Variants in RALYL observed in about 807,000 individuals in gnomAD.
RALYL encodes the protein RALY RNA binding protein like, also known as RNA-binding Raly-like protein.
In RALYL, 29 loss-of-function variants were observed where a neutral mutation model predicts 35.1. The observed-to-expected ratio is 0.83, with a 90% CI of 0.61 to 1.13. The LOEUF (loss-of-function observed/expected upper bound fraction) is 1.13. RALYL is among the 50% of genes most tolerant of loss of function. RALYL has a pLI of 0.00. For synonymous variants in RALYL, 120 were observed against 127.6 expected, an observed-to-expected ratio of 0.94 and a Z score of 0.40; for missense variants, 359 against 360.4, an observed-to-expected ratio of 1.00 and a Z score of 0.03.
intron 2 of RALYL, among the ~76,000 whole-genome samples, chr8:84,757,802 T>C (rs904695719): frequency 2.0e-5 from 3 of 152,172 alleles, no homozygotes; most frequent in African/African-American, 7.2e-5. Context: ...GTTATTTTCT[T>C]TCTTTAATGA....
chr8:84,462,161 G>A (rs1034069089), intron 1 of RALYL, among the ~76,000 whole-genome samples: 3 of 151,176 alleles, frequency 2.0e-5, no homozygotes, highest in African/African-American at 7.3e-5. Context: ...TCTAAGGTGT[G>A]TAGTGATATC....
intron 2 of RALYL, among the ~76,000 whole-genome samples, chr8:84,650,043 A>G (rs1828391287): frequency 6.6e-6 from 1 of 152,086 alleles, no homozygotes; most frequent in Admixed American, 6.6e-5. Flanking sequence ...CTTTGAAGCA[A>G]TTGTGAATGG....
intron 2 of RALYL, among the ~76,000 whole-genome samples, chr8:84,719,710 T>C (rs1843547454): frequency 6.6e-6 from 1 of 152,170 alleles, no homozygotes; most frequent in African/African-American, 2.4e-5. Context: ...TACAGTGAGA[T>C]GTTTTGATAC....
chr8:84,704,866 T>C (rs868684114), intron 2 of RALYL, among the ~76,000 whole-genome samples: 1 of 152,306 alleles, frequency 6.6e-6, no homozygotes, highest in Middle Eastern at 3.4e-3. Context: ...ATGGAGATGA[T>C]ATTTCCCGCT....
intron 2 of RALYL, among the ~76,000 whole-genome samples, chr8:84,554,154 A>C (rs2060940407): frequency 6.6e-6 from 1 of 152,192 alleles, no homozygotes; most frequent in Non-Finnish European, 1.5e-5. Context: ...TTCCTAAAAA[A>C]ATTAAGTAAT....
intron 1 of RALYL, among the ~76,000 whole-genome samples, chr8:84,514,090 T>TAAAA (rs57881021): frequency 0.017 from 678 of 39,722 alleles, 3 homozygotes; most frequent in East Asian, 0.034. Context: ...AGATTTCATC[T>TAAAA]AAAAAAAAAA....
chr8:84,310,343 T>G (rs1246685175), intron 1 of RALYL, among the ~76,000 whole-genome samples: 2 of 151,428 alleles, frequency 1.3e-5, no homozygotes, highest in Non-Finnish European at 2.9e-5. Context: ...CTGGCATATG[T>G]GTTTTTTTAA....
intron 2 of RALYL, among the ~76,000 whole-genome samples, chr8:84,562,635 C>T (rs2061536219): frequency 6.6e-6 from 1 of 151,222 alleles, no homozygotes; most frequent in Admixed American, 6.6e-5. Context: ...AATATAGCTA[C>T]TTGCCACTTT....
At chr8:84,782,188 T>C (rs1177785750) in intron 3 of RALYL, among the ~76,000 whole-genome samples, 1 of 152,228 alleles carries the variant, frequency 6.6e-6, no homozygotes, top group Non-Finnish European at 1.5e-5. Context: ...TATAAAATTC[T>C]AGGAGTAGTG....
Position 84,563,591 on chromosome 8 carries a change from C to T in RALYL, c.256+34014C>T, listed in dbSNP as rs374769900. On this transcript the variant is annotated intron_variant, in intron 2 of 8. Transcript: ENST00000521268. ...AGTTTTTTTTTTTTTAAATTACCAG[C>T]GGTCGATATAGCACAGCGAACCTAG... is the stretch of plus-strand genomic sequence containing the variant. Among the ~76,000 whole-genome samples the T allele has an allele frequency of 6.6e-5, 10 of 151,074 alleles. 1 individual carries two copies. Among genetic ancestry groups the T allele is most frequent in the South Asian group, 4.2e-4 (2 of 4,808 alleles).
chr8:84,814,808 G>A (rs1563665271), intron 4 of RALYL, among the ~76,000 whole-genome samples: 4 of 152,090 alleles, frequency 2.6e-5, no homozygotes, highest in African/African-American at 4.8e-5. Context: ...ATTGAGGGGG[G>A]AAAAAAGACC....
chr8:84,445,050 TGGA>T (rs2048718486), intron 1 of RALYL, among the ~76,000 whole-genome samples: 1 of 152,068 alleles, frequency 6.6e-6, no homozygotes, highest in African/African-American at 2.4e-5. Context: ...ACCCAAAAGG[TGGA>T]AATAAATTGC....
At chr8:84,429,012 C>A (rs2046855307) in intron 1 of RALYL, among the ~76,000 whole-genome samples, 1 of 152,026 alleles carries the variant, frequency 6.6e-6, no homozygotes, top group Non-Finnish European at 1.5e-5. Flanking sequence ...GAGATTTCCC[C>A]ATTGTTTTAA....
intron 1 of RALYL, among the ~76,000 whole-genome samples, chr8:84,439,131 G>A (rs2048061052): frequency 6.6e-6 from 1 of 151,904 alleles, no homozygotes; most frequent in Middle Eastern, 3.2e-3. Flanking sequence ...AAATGATGTT[G>A]GTAGTTTGAC....
At chr8:84,769,586 C>A (rs774617932) in intron 2 of RALYL, among the ~76,000 whole-genome samples, 12 of 152,058 alleles carry the variant, frequency 7.9e-5, no homozygotes, top group Non-Finnish European at 1.5e-4. Flanking sequence ...CATGGTGAAA[C>A]CCTGTCTCTG....
chr8:84,324,838 T>A (rs373565977), intron 1 of RALYL, among the ~76,000 whole-genome samples: 62 of 152,196 alleles, frequency 4.1e-4, no homozygotes, highest in African/African-American at 1.4e-3. Context: ...AAATTCATAA[T>A]TCTGTTACTA....
intron 1 of RALYL, among the ~76,000 whole-genome samples, chr8:84,219,195 G>T (rs1043817800): frequency 6.6e-6 from 1 of 152,088 alleles, no homozygotes; most frequent in African/African-American, 2.4e-5. Context: ...TCAAGGAAGA[G>T]ACCTGGTGGA....
At chr8:84,631,554 A>G (rs1449884705) in intron 2 of RALYL, among the ~76,000 whole-genome samples, 3 of 151,948 alleles carry the variant, frequency 2.0e-5, no homozygotes, top group African/African-American at 4.8e-5. Flanking sequence ...TCAAGATAGC[A>G]CTGTTTTCAA....
At chr8:84,828,102 T>C (rs1830093341) in intron 4 of RALYL, among the ~76,000 whole-genome samples, 1 of 152,196 alleles carries the variant, frequency 6.6e-6, no homozygotes, top group Admixed American at 6.5e-5. Context: ...TAATAACTAA[T>C]TTATACAATT....
Sources: allele counts gnomAD v4.1 joint callset (sites outside exome capture counted in the v4.1 genomes callset), GRCh38; gene constraint gnomAD v4.1.1; transcripts MANE v1.5; gene names NCBI Gene and HGNC (gene_info 2026-07-23, HGNC 2026-07-21).